The following RFX7 variants were observed in gnomAD, a reference collection of about 807,000 sequenced individuals.
RFX7 encodes regulatory factor X7.
RFX7 carries 26 observed loss-of-function variants against 111.8 expected under a neutral mutation model. That is an observed-to-expected ratio of 0.23 (90% CI 0.17 to 0.32). The LOEUF (loss-of-function observed/expected upper bound fraction) is 0.32, where lower values mean the gene tolerates loss of function less well. Among genes scored for constraint, RFX7 ranks in the 10% least tolerant of loss-of-function variants. The pLI, the probability that RFX7 is intolerant of heterozygous loss-of-function variation, is 1.00. For missense variants in RFX7, 1,573 were observed against 1,772.9 expected (o/e 0.89, Z 2.02); for synonymous variants, 624 against 624.4 (o/e 1.00, Z 0.01).
intron 2 of RFX7, among the ~76,000 whole-genome samples, chr15:56,186,625 T>A (rs1440847845): frequency 6.6e-6 from 1 of 152,002 alleles, no homozygotes; most frequent in African/African-American, 2.4e-5. Context: ...ACCTATGAAC[T>A]GTATACATGT....
rs750353636 is a variant in RFX7, at chr15:56,098,376, C to T, written c.812G>A (p.Gly271Glu). 6.3e-7 allele frequency: 1 copy of T among 1,582,316 alleles called. No homozygotes were observed. The highest frequency in any genetic ancestry group is 8.6e-7 in the Non-Finnish European group (1 of 1,163,738). Residue 271 changes from glycine (G) to glutamate (E), a missense_variant and splice_region_variant, in exon 9 of 10, where the codon GGA becomes GAA. Transcript: ENST00000559447. The part of the protein sequence containing the change: ...ALTVMAAAPA[G>E]MKGITQPSAF... ...AGAAGGCTGGGTAATTCCTTTCATT[C>T]CTGAAAATAAACAGAAAGGAAAGCT...
chr15:56,199,934 C>A (rs760630627), intron 2 of RFX7, among the ~76,000 whole-genome samples: 3 of 152,122 alleles, frequency 2.0e-5, no homozygotes, highest in African/African-American at 4.8e-5. Flanking sequence ...ATGACTTGTA[C>A]AAGGTCACAC....
At chr15:56,225,144 C>T (rs1278804877) in intron 2 of RFX7, among the ~76,000 whole-genome samples, 1 of 152,116 alleles carries the variant, frequency 6.6e-6, no homozygotes, top group East Asian at 1.9e-4. Flanking sequence ...CAACTGTAGT[C>T]CAAAACAGCC....
chr15:56,106,215 T>C (rs1442953975), intron 5 of RFX7, among the ~76,000 whole-genome samples: 1 of 152,242 alleles, frequency 6.6e-6, no homozygotes, highest in Non-Finnish European at 1.5e-5. Flanking sequence ...ATACAATTTA[T>C]ATTGTGTGGT....
At chr15:56,232,833 C>G (rs909750706) in intron 2 of RFX7, among the ~76,000 whole-genome samples, 1 of 152,206 alleles carries the variant, frequency 6.6e-6, no homozygotes, top group Non-Finnish European at 1.5e-5. Flanking sequence ...CAGTTCCCAA[C>G]AGGTTAATCT....
Position 56,100,013 on chromosome 15 carries a change from C to A in RFX7, c.811+1346G>T, listed in dbSNP as rs558076496. On this transcript the variant is annotated intron_variant, in intron 8 of 9. Coordinates refer to ENST00000559447, the MANE Select transcript of RFX7 (RefSeq NM_022841.7). ...GTTGATGTACTCTTTTAGGTGTTGG[C>A]AGGGGCAGGAGAAAGACAGCAGAGC... Among the ~76,000 whole-genome samples, 12 of 152,236 alleles carry A rather than the reference C, an allele frequency of 7.9e-5. No homozygotes were observed. In the East Asian group the frequency reaches 2.3e-3, roughly 29 times the overall value.
intron 5 of RFX7, among the ~76,000 whole-genome samples, chr15:56,127,428 G>A (rs1487985525): frequency 4.0e-5 from 6 of 149,180 alleles, no homozygotes; most frequent in Non-Finnish European, 8.9e-5. Context: ...AAACAAAAGA[G>A]AAAACTCACT....
chr15:56,178,374 T>C (rs2042927192), intron 3 of RFX7, among the ~76,000 whole-genome samples: 1 of 152,074 alleles, frequency 6.6e-6, no homozygotes, highest in African/African-American at 2.4e-5. Context: ...AAGCTAATAA[T>C]AATATAAGCT....
At chr15:56,134,594 TTC>T (rs1412533413) in intron 5 of RFX7, among the ~76,000 whole-genome samples, 4 of 74,810 alleles carry the variant, frequency 5.3e-5, no homozygotes, top group Admixed American at 3.8e-4. Flanking sequence ...CTAAATCACT[TTC>T]TTTTTTTTTT....
intron 3 of RFX7, among the ~76,000 whole-genome samples, chr15:56,147,551 G>A (rs1199381757): frequency 6.6e-6 from 1 of 151,878 alleles, no homozygotes; most frequent in Non-Finnish European, 1.5e-5. Flanking sequence ...TTTATGCTAT[G>A]TATATTTTAC....
intron 2 of RFX7, among the ~76,000 whole-genome samples, chr15:56,179,929 C>G (rs754174497): frequency 3.3e-5 from 5 of 152,048 alleles, no homozygotes; most frequent in African/African-American, 7.2e-5. Context: ...AGCCACTATA[C>G]ATCAATTTAA....
At chr15:56,223,717 A>G (rs754565157) in intron 2 of RFX7, among the ~76,000 whole-genome samples, 3 of 152,196 alleles carry the variant, frequency 2.0e-5, no homozygotes, top group Admixed American at 6.5e-5. Context: ...TACTTCGGGT[A>G]TATTTTCTTC....
intron 5 of RFX7, among the ~76,000 whole-genome samples, chr15:56,113,788 AAGACT>A (rs2041970334): frequency 6.6e-6 from 1 of 152,184 alleles, no homozygotes; most frequent in Non-Finnish European, 1.5e-5. Context: ...AAGGACTCTT[AAGACT>A]TACCTAGACC....
chr15:56,126,402 T>G (rs1455022110), intron 5 of RFX7, among the ~76,000 whole-genome samples: 2 of 152,152 alleles, frequency 1.3e-5, no homozygotes, highest in Non-Finnish European at 2.9e-5. Context: ...TGAAATAAAG[T>G]AGTTGGAGTG....
chr15:56,223,724 C>A (rs1304174744), intron 2 of RFX7, among the ~76,000 whole-genome samples: 1 of 152,154 alleles, frequency 6.6e-6, no homozygotes, highest in Admixed American at 6.5e-5. Flanking sequence ...GGTATATTTT[C>A]TTCTACTTAT....
intron 3 of RFX7, among the ~76,000 whole-genome samples, chr15:56,163,990 G>C (rs2042754542): frequency 6.6e-6 from 1 of 152,130 alleles, no homozygotes; most frequent in Non-Finnish European, 1.5e-5. Context: ...GAGTACAGTA[G>C]AACATAGGTA....
At chr15:56,165,308 A>C (rs2042770538) in intron 3 of RFX7, among the ~76,000 whole-genome samples, 1 of 152,172 alleles carries the variant, frequency 6.6e-6, no homozygotes. Flanking sequence ...ACCAACTACA[A>C]GTTTTTTACT....
intron 5 of RFX7, among the ~76,000 whole-genome samples, chr15:56,114,271 C>T (rs1484568041): frequency 6.6e-6 from 1 of 151,612 alleles, no homozygotes; most frequent in Non-Finnish European, 1.5e-5. Flanking sequence ...ATTAACTGGG[C>T]ATGGTGGTGG....
chr15:56,177,736 T>C (rs2042917530), intron 3 of RFX7, among the ~76,000 whole-genome samples: 1 of 152,174 alleles, frequency 6.6e-6, no homozygotes, highest in Non-Finnish European at 1.5e-5. Flanking sequence ...ACAAGAACTG[T>C]GTCTGTCTTG....
Sources: allele counts gnomAD v4.1 joint callset (sites outside exome capture counted in the v4.1 genomes callset), GRCh38; gene constraint gnomAD v4.1.1; transcripts MANE v1.5; gene names NCBI Gene and HGNC (gene_info 2026-07-23, HGNC 2026-07-21).